Variants in CACNA2D2 observed in about 807,000 individuals in gnomAD.
CACNA2D2 encodes the protein calcium voltage-gated channel auxiliary subunit alpha2delta 2.
Under a neutral mutation model 166.4 loss-of-function variants are expected in CACNA2D2, and 48 were observed. The ratio of observed to expected loss-of-function variants is 0.29; its 90% CI spans 0.23 to 0.37. The LOEUF is 0.37. Ranked by LOEUF, CACNA2D2 falls within the 10% of genes least tolerant of loss-of-function variation. The pLI, the probability that CACNA2D2 is intolerant of heterozygous loss-of-function variation, is 1.00. For missense variants in CACNA2D2, 1,122 were observed against 1,433.0 expected (o/e 0.78, Z 3.50); for synonymous variants, 561 against 573.7 (o/e 0.98, Z 0.32).
At chr3:50,465,350 A>G (rs1018555597) in intron 2 of CACNA2D2, among the ~76,000 whole-genome samples, 1 of 152,222 alleles carries the variant, frequency 6.6e-6, no homozygotes, top group Non-Finnish European at 1.5e-5. Flanking sequence ...TGGTAGATGG[A>G]GCATAATGAA....
chr3:50,417,263 G>A (rs1559928151), intron 3 of CACNA2D2, among the ~76,000 whole-genome samples: 1 of 152,074 alleles, frequency 6.6e-6, no homozygotes, highest in Non-Finnish European at 1.5e-5. Context: ...CCACACCTTA[G>A]CCATACATAC....
At chr3:50,458,413 C>T (rs376505450) in intron 2 of CACNA2D2, among the ~76,000 whole-genome samples, 2 of 152,206 alleles carry the variant, frequency 1.3e-5, no homozygotes, top group Non-Finnish European at 2.9e-5. Flanking sequence ...AAACTGTGTT[C>T]CCTGGAGTCC....
rs41315894 is a variant in CACNA2D2, at chr3:50,380,221, G to A, written c.843-203C>T. ...CATGAATGGTCTGGTTCCTCAGCAA[G>A]GAAAAAGTACCAGGGGGTATATGAG... On this transcript the variant is annotated intron_variant, in intron 8 of 37. Transcript: ENST00000424201. This position sits in a 1 kb window ranked among gnomAD's most constrained non-coding sequence, Gnocchi z 4.9. 8.5e-4 allele frequency among the ~76,000 whole-genome samples: 130 copies of A among 152,358 alleles called. No individual in the cohort carries two copies. The highest frequency in any genetic ancestry group is 1.6e-3 in the Non-Finnish European group (109 of 68,038).
chr3:50,427,167 CT>C lies in CACNA2D2; in HGVS notation c.405+7145del, dbSNP rs1009573820. ...AAGGAGCCCTCTCTGACTCCCATTC[CT>C]TGGTGGTCGCTCTGCCACCGCATGC... On this transcript the variant is annotated intron_variant, in intron 3 of 37. Transcript: ENST00000424201. The surrounding 1 kb of genome is among the most constrained non-coding windows in gnomAD (Gnocchi z 4.7). 2.6e-5 allele frequency among the ~76,000 whole-genome samples: 4 copies of C among 152,228 alleles called. No homozygotes were observed. Among genetic ancestry groups the C allele is most frequent in the African/African-American group, 4.8e-5 (2 of 41,462 alleles).
At chr3:50,450,028 T>A (rs540321103) in intron 2 of CACNA2D2, among the ~76,000 whole-genome samples, 1 of 152,150 alleles carries the variant, frequency 6.6e-6, no homozygotes, top group Non-Finnish European at 1.5e-5. Context: ...AACTGCAGCC[T>A]CCAGAGTTTG....
intron 1 of CACNA2D2, among the ~76,000 whole-genome samples, chr3:50,496,825 G>A (rs914221435): frequency 6.6e-6 from 1 of 152,222 alleles, no homozygotes; most frequent in Non-Finnish European, 1.5e-5. Context: ...CGAAGAGGGG[G>A]CTTGTTCAGA....
chr3:50,497,557 C>T (rs373414594), intron 1 of CACNA2D2, among the ~76,000 whole-genome samples: 134 of 152,324 alleles, frequency 8.8e-4, no homozygotes, highest in Admixed American at 2.0e-3. Flanking sequence ...GTGAGAGGAG[C>T]GGGACCAGGA....
chr3:50,367,238 T>A lies in CACNA2D2; in HGVS notation c.2402-129A>T. On this transcript the variant is annotated intron_variant, in intron 27 of 37. Coordinates refer to ENST00000424201, the MANE Select transcript of CACNA2D2 (RefSeq NM_006030.4). This position sits in a 1 kb window ranked among gnomAD's most constrained non-coding sequence, Gnocchi z 6.5. The stretch of plus-strand genomic sequence containing the variant: ...CCCAAGCACCCAGCACTCAGGACAG[T>A]GTTTGGCACAGTCTATCCCTCTTTT... The A allele has an allele frequency of 1.0e-6, 1 of 984,254 alleles. No homozygotes were observed. The allele number at this position is 984,254 out of a possible 1,614,324, so 61.0% of individuals were successfully genotyped here.
At chr3:50,377,566 C>T in intron 16 of CACNA2D2, 25 bp from the exon 17 acceptor site, 1 of 1,609,344 alleles carries the variant, frequency 6.2e-7, no homozygotes, top group Non-Finnish European at 8.5e-7. Flanking sequence ...ATGGGGGGCT[C>T]CTCAGTGAGC....
Position 50,367,689 on chromosome 3 carries a change from G to A in CACNA2D2, c.2250C>T (p.Ala750=), listed in dbSNP as rs1183901180. The A allele has an allele frequency of 1.2e-6, 2 of 1,612,420 alleles. No homozygotes were observed. Among genetic ancestry groups the A allele is most frequent in the Non-Finnish European group, 1.7e-6 (2 of 1,179,086 alleles). Residue 750 remains alanine (A), a synonymous_variant, in exon 26 of 38, where the codon GCC becomes GCT. Transcript: ENST00000424201. The surrounding 1 kb of genome is among the most constrained non-coding windows in gnomAD (Gnocchi z 6.5). ...TGCCACCGTCTGTGGCAGCGAACACGGCCAGTAGGCTGTACCTGGGGGTAG... is the reference window on the plus strand; with the variant it reads ...TGCCACCGTCTGTGGCAGCGAACACAGCCAGTAGGCTGTACCTGGGGGTAG... ...DQDLNTYSLL[A]VFAATDGGIT...
chr3:50,383,182 C>G (rs780677710), intron 6 of CACNA2D2, among the ~76,000 whole-genome samples: 9 of 152,218 alleles, frequency 5.9e-5, no homozygotes, highest in Admixed American at 3.3e-4. Flanking sequence ...TAGTGCCCCT[C>G]GACTGGCTCG....
chr3:50,484,066 C>G (rs537753999), intron 1 of CACNA2D2, among the ~76,000 whole-genome samples: 3 of 152,136 alleles, frequency 2.0e-5, no homozygotes, highest in Non-Finnish European at 4.4e-5. Context: ...AAACGAGATC[C>G]GAGATCCTGA....
rs1421851564 is a variant in CACNA2D2, at chr3:50,364,651, G to C, written c.*15C>G. The stretch of plus-strand genomic sequence containing the variant: ...CCGGGTGAGGTGGGAGTGGAGGTGG[G>C]GTGGGGCAGGGTGCTCAGAGGCGGC... On this transcript the variant is annotated 3_prime_UTR_variant, in exon 38 of 38. Transcript: ENST00000424201. 6.6e-7 allele frequency: 1 copy of C among 1,504,294 alleles called. No individual in the cohort carries two copies. Among genetic ancestry groups the C allele is most frequent in the Non-Finnish European group, 8.9e-7 (1 of 1,124,840 alleles). The allele number at this position is 1,504,294 out of a possible 1,614,324, so 93.2% of individuals were successfully genotyped here.
Position 50,381,028 on chromosome 3 carries a change from C to T in CACNA2D2, c.751G>A (p.Gly251Ser), listed in dbSNP as rs373046774. Reference protein sequence around the residue: ...QDPTLLWQVFGSATGVTRYYP... With the variant: ...QDPTLLWQVFSSATGVTRYYP... Reference sequence around the variant, plus strand: ...TAGCGAGTGACTCCTGTGGCGCTGCCGAAGACCTGCCACAGCAGTGTGGGG... The same window carrying T: ...TAGCGAGTGACTCCTGTGGCGCTGCTGAAGACCTGCCACAGCAGTGTGGGG... The change falls in exon 7 of 38, where the codon GGC becomes AGC. Residue 251 changes from glycine (G) to serine (S), a missense_variant. By Grantham distance (56) the Gly-to-Ser change is moderately conservative (BLOSUM62 0). This residue lies in a region of CACNA2D2 where 840 missense variants were observed against 1,166.8 expected (regional missense o/e 0.72). Coordinates refer to ENST00000424201, the MANE Select transcript of CACNA2D2 (RefSeq NM_006030.4). 3.7e-6 allele frequency: 6 copies of T among 1,613,748 alleles called. No individual in the cohort carries two copies. The highest frequency in any genetic ancestry group is 5.1e-6 in the Non-Finnish European group (6 of 1,179,892).
rs1559886697 is a variant in CACNA2D2 at position 50,376,321 on chromosome 3, C to T, written c.1627-133G>A. 8.5e-6 allele frequency: 8 copies of T among 937,920 alleles called. No homozygotes were observed. The highest frequency in any genetic ancestry group is 1.6e-5 in the African/African-American group (1 of 60,738). The allele number at this position is 937,920 out of a possible 1,614,324, so 58.1% of individuals were successfully genotyped here. ...GCCTGCCTTGGGCTAAGGGCCCCCCCATGCCACGTGGCCCTAAGCCTGTCT... is the reference window on the plus strand; with the variant it reads ...GCCTGCCTTGGGCTAAGGGCCCCCCTATGCCACGTGGCCCTAAGCCTGTCT... On this transcript the variant is annotated intron_variant, in intron 17 of 37. Coordinates refer to ENST00000424201, the MANE Select transcript of CACNA2D2 (RefSeq NM_006030.4). The surrounding 1 kb of genome is among the most constrained non-coding windows in gnomAD (Gnocchi z 4.3).
intron 4 of CACNA2D2, among the ~76,000 whole-genome samples, chr3:50,393,639 G>C (rs1012139419): frequency 2.0e-5 from 3 of 152,232 alleles, no homozygotes; most frequent in African/African-American, 7.2e-5. Flanking sequence ...TGGCAGCCCA[G>C]TCCCCTGAGC....
chr3:50,380,708 T>C lies in CACNA2D2; in HGVS notation c.842+40A>G. On this transcript the variant is annotated intron_variant, in intron 8 of 37. Coordinates refer to ENST00000424201, the MANE Select transcript of CACNA2D2 (RefSeq NM_006030.4). This position sits in a 1 kb window ranked among gnomAD's most constrained non-coding sequence, Gnocchi z 4.9. ...GGAGCAGGCAGGAAAGGTGGGGAAC[T>C]GAGGGGGTGTCCCTCCCCAGCCCCT... is the stretch of plus-strand genomic sequence containing the variant. 2.1e-6 allele frequency: 3 copies of C among 1,440,486 alleles called. No individual in the cohort carries two copies. Among genetic ancestry groups the C allele is most frequent in the South Asian group, 1.5e-5 (1 of 68,524 alleles). 89.2% of individuals were successfully genotyped at this position (1,440,486 alleles called of 1,614,324 possible).
chr3:50,468,498 C>T (rs189784805), intron 2 of CACNA2D2, among the ~76,000 whole-genome samples: 6 of 146,866 alleles, frequency 4.1e-5, no homozygotes, highest in Non-Finnish European at 6.0e-5. Flanking sequence ...AAGGATTGAG[C>T]GGCCCTCACT....
chr3:50,420,684 G>A (rs1306152747), intron 3 of CACNA2D2, among the ~76,000 whole-genome samples: 2 of 152,198 alleles, frequency 1.3e-5, no homozygotes, highest in African/African-American at 4.8e-5. Context: ...TGACAGGTAG[G>A]TGGACGGACA....
Sources: gnomAD v4.1 joint callset for allele counts (sites outside exome capture counted in the v4.1 genomes callset) on GRCh38, gnomAD v4.1.1 for gene constraint, gnomAD v4.1.1 regional missense constraint, Gnocchi (gnomAD v3.1) non-coding constraint, MANE v1.5 for transcripts, NCBI Gene and HGNC (gene_info 2026-07-23, HGNC 2026-07-21) for gene names.